The following RASAL2 variants were observed in gnomAD, a reference collection of about 807,000 sequenced individuals.
RASAL2 encodes ras GTPase-activating protein nGAP.
RASAL2 carries 58 observed loss-of-function variants against 128.9 expected under a neutral mutation model. The observed-to-expected ratio is 0.45, with a 90% CI of 0.36 to 0.56. The LOEUF (loss-of-function observed/expected upper bound fraction) is 0.56, where lower values mean the gene tolerates loss of function less well. RASAL2 is among the 20% of genes least tolerant of loss of function. The pLI, the probability that RASAL2 is intolerant of heterozygous loss-of-function variation, is 0.00. For missense variants in RASAL2, 1,360 were observed against 1,601.6 expected (o/e 0.85, Z 2.57); for synonymous variants, 561 against 580.8 (o/e 0.97, Z 0.49).
rs1158552851 is a variant in RASAL2 at position 178,175,437 on chromosome 1, CGTGT to C, written c.202+80775_202+80778del. On this transcript the variant is annotated intron_variant, in intron 1 of 17. Transcript: ENST00000367649. Reference sequence around the variant, plus strand: ...AATATTCTGTGTATATACATGGTTACGTGTGTGTGTGTGTGTGTGTGTGTGTGTG... The same window carrying C: ...AATATTCTGTGTATATACATGGTTACGTGTGTGTGTGTGTGTGTGTGTGTG... Among the ~76,000 whole-genome samples the C allele has an allele frequency of 4.8e-4, 69 of 144,440 alleles. No homozygotes were observed. In the Middle Eastern group the frequency reaches 0.01, roughly 22 times the overall value. The allele number at this position is 144,440 out of a possible 152,430, so 94.8% of individuals were successfully genotyped here. A position where few individuals can be genotyped will look rare whatever the true frequency, so the allele number is the denominator to read the frequency against.
At chr1:178,317,228 A>C (rs1410554861) in intron 3 of RASAL2, among the ~76,000 whole-genome samples, 28 of 133,010 alleles carry the variant, frequency 2.1e-4, no homozygotes, top group African/African-American at 9.5e-4. Context: ...ATCAATGTTC[A>C]TCAAGGATAT....
At position 178,390,123 on chromosome 1, in the gene RASAL2, C is replaced by T. The variant is rs759227860; in HGVS notation, c.481C>T (p.Arg161Cys). 1.9e-6 allele frequency: 3 copies of T among 1,611,982 alleles called. No individual in the cohort carries two copies. Among genetic ancestry groups the T allele is most frequent in the South Asian group, 1.1e-5 (1 of 90,660 alleles). Residue 161 changes from arginine (R) to cysteine (C), a missense_variant, in exon 4 of 18, where the codon CGT becomes TGT. By Grantham distance (180) the Arg-to-Cys change is radical (BLOSUM62 -3). This residue lies in a region of RASAL2 where 617 missense variants were observed against 714.2 expected (regional missense o/e 0.86). Transcript: ENST00000367649. Reference protein sequence around the residue: ...KLEVPAERSPRRRSISGTSTS... With the variant: ...KLEVPAERSPCRRSISGTSTS... ...AGAGGTACCAGCAGAAAGGTCCCCT[C>T]GTAGACGGAGTATCTCAGGGACCAG... is the stretch of plus-strand genomic sequence containing the variant.
chr1:178,173,140 G>T (rs1184104171), intron 1 of RASAL2, among the ~76,000 whole-genome samples: 5 of 151,980 alleles, frequency 3.3e-5, no homozygotes, highest in African/African-American at 1.2e-4. Context: ...AGTGTTGTGG[G>T]GAGGAGAGAA....
intron 2 of RASAL2, among the ~76,000 whole-genome samples, chr1:178,290,467 G>T (rs1667227170): frequency 6.6e-6 from 1 of 151,968 alleles, no homozygotes; most frequent in East Asian, 1.9e-4. Context: ...TTTATTTATT[G>T]AGCACCTATC....
intron 3 of RASAL2, among the ~76,000 whole-genome samples, chr1:178,334,843 A>G (rs1669510793): frequency 6.6e-6 from 1 of 152,166 alleles, no homozygotes; most frequent in Non-Finnish European, 1.5e-5. Flanking sequence ...CTGTAGTCCC[A>G]GCTACTAGGG....
chr1:178,204,429 T>C (rs1662974505), intron 1 of RASAL2, among the ~76,000 whole-genome samples: 1 of 152,202 alleles, frequency 6.6e-6, no homozygotes, highest in Admixed American at 6.5e-5. Context: ...TGAAGCCTTA[T>C]ACTAACACTA....
intron 3 of RASAL2, among the ~76,000 whole-genome samples, chr1:178,319,717 A>C (rs1011990154): frequency 6.6e-6 from 1 of 151,662 alleles, no homozygotes; most frequent in East Asian, 1.9e-4. Flanking sequence ...CAAAGTTTTC[A>C]ACTTCTTTGC....
At chr1:178,348,121 A>T (rs1174595355) in intron 3 of RASAL2, among the ~76,000 whole-genome samples, 5 of 152,230 alleles carry the variant, frequency 3.3e-5, no homozygotes, top group Non-Finnish European at 7.3e-5. Context: ...GATAGTGATT[A>T]TCCTTATGGG....
At chr1:178,334,473 G>T (rs1179211859) in intron 3 of RASAL2, among the ~76,000 whole-genome samples, 1 of 151,712 alleles carries the variant, frequency 6.6e-6, no homozygotes, top group East Asian at 1.9e-4. Context: ...CAAGTAGCTG[G>T]GATTACAGGC....
Position 178,433,187 on chromosome 1 carries a change from C to T in RASAL2, c.675-6235C>T, listed in dbSNP as rs532691767. Among the ~76,000 whole-genome samples, 47 of 152,206 alleles carry T rather than the reference C, an allele frequency of 3.1e-4. No homozygotes were observed. In the South Asian group the frequency reaches 4.8e-3, roughly 15 times the overall value. On this transcript the variant is annotated intron_variant, in intron 5 of 17. Coordinates refer to ENST00000367649, the MANE Select transcript of RASAL2 (RefSeq NM_170692.4). The stretch of plus-strand genomic sequence containing the variant: ...ACAGCCTTGCATACTGTCATACAGG[C>T]CTTTTCACATGCTATCCATTTTCTG...
At chr1:178,429,526 G>A (rs1016814278) in intron 5 of RASAL2, among the ~76,000 whole-genome samples, 2 of 152,082 alleles carry the variant, frequency 1.3e-5, no homozygotes, top group African/African-American at 4.8e-5. Flanking sequence ...CATTTCCTTT[G>A]TAAATGCTGC....
chr1:178,228,684 C>T (rs1663880686), intron 1 of RASAL2, among the ~76,000 whole-genome samples: 1 of 152,198 alleles, frequency 6.6e-6, no homozygotes, highest in South Asian at 2.1e-4. Context: ...GTATAAGACT[C>T]ATTTAACAAG....
intron 3 of RASAL2, among the ~76,000 whole-genome samples, chr1:178,346,584 T>C (rs1358852177): frequency 6.6e-6 from 1 of 152,176 alleles, no homozygotes; most frequent in Non-Finnish European, 1.5e-5. Context: ...ATTGCTGAAA[T>C]TTTGAAATAT....
intron 1 of RASAL2, among the ~76,000 whole-genome samples, chr1:178,132,766 A>ATTT (rs35326037): frequency 7.7e-6 from 1 of 130,062 alleles, no homozygotes; most frequent in Non-Finnish European, 1.6e-5. Context: ...ACAATTCAGA[A>ATTT]TTTTTTTTTT....
intron 1 of RASAL2, among the ~76,000 whole-genome samples, chr1:178,095,233 A>G (rs969197624): frequency 1.3e-5 from 2 of 152,232 alleles, no homozygotes; most frequent in Non-Finnish European, 2.9e-5. Flanking sequence ...GGATTGTTTC[A>G]GATTACACTA....
At chr1:178,156,323 T>C (rs1458586880) in intron 1 of RASAL2, among the ~76,000 whole-genome samples, 2 of 152,206 alleles carry the variant, frequency 1.3e-5, no homozygotes, top group African/African-American at 4.8e-5. Context: ...ATAAAAATTA[T>C]CTCTAAGTAA....
At chr1:178,327,784 A>G (rs1293719666) in intron 3 of RASAL2, among the ~76,000 whole-genome samples, 2 of 152,150 alleles carry the variant, frequency 1.3e-5, no homozygotes. Context: ...TTGTAGGTAT[A>G]ATTAAAAATC....
At chr1:178,413,452 T>A (rs1674544366) in intron 4 of RASAL2, among the ~76,000 whole-genome samples, 1 of 152,202 alleles carries the variant, frequency 6.6e-6, no homozygotes, top group Admixed American at 6.5e-5. Flanking sequence ...ATTAAAAGAC[T>A]GAGATCTAAT....
At chr1:178,275,433 G>C (rs1331730368) in intron 1 of RASAL2, among the ~76,000 whole-genome samples, 1 of 152,228 alleles carries the variant, frequency 6.6e-6, no homozygotes, top group Non-Finnish European at 1.5e-5. Flanking sequence ...ATGTGATCAG[G>C]ACAGTGCAAA....
Sources: allele counts gnomAD v4.1 joint callset (sites outside exome capture counted in the v4.1 genomes callset), GRCh38; gene constraint gnomAD v4.1.1; regional missense constraint gnomAD v4.1.1; transcripts MANE v1.5; gene names NCBI Gene and HGNC (gene_info 2026-07-23, HGNC 2026-07-21).